The following CPEB1 variants were observed in gnomAD, a reference collection of about 807,000 sequenced individuals.
The protein encoded by CPEB1 is cytoplasmic polyadenylation element binding protein 1.
In CPEB1, 7 loss-of-function variants were observed where a neutral mutation model predicts 65.8. The ratio of observed to expected loss-of-function variants is 0.11; its 90% confidence interval spans 0.06 to 0.20. The LOEUF (loss-of-function observed/expected upper bound fraction) is 0.20. Ranked by LOEUF, CPEB1 falls within the 10% of genes least tolerant of loss-of-function variation. The probability of loss-of-function intolerance (pLI) is 1.00; values close to 1 mark genes in which losing one functional copy is unlikely to be tolerated. For missense variants in CPEB1, 551 were observed against 712.2 expected, an observed-to-expected ratio of 0.77 and a Z score of 2.58; for synonymous variants, 262 against 260.0, an observed-to-expected ratio of 1.01 and a Z score of -0.08.
intron 3 of CPEB1, among the ~76,000 whole-genome samples, chr15:82,596,697 C>CA (rs59895391): frequency 0.026 from 2,326 of 88,828 alleles, 54 homozygotes; most frequent in Non-Finnish European, 0.038. Flanking sequence ...GACTCTGTCT[C>CA]AAAAAAAAAA....
intron 3 of CPEB1, among the ~76,000 whole-genome samples, chr15:82,611,108 G>C (rs1335295344): frequency 4.7e-5 from 7 of 150,250 alleles, no homozygotes; most frequent in Admixed American, 2.7e-4. Context: ...AAACTGTACT[G>C]AAGATTTTAG....
chr15:82,645,337 G>C (rs1160804119), intron 1 of CPEB1, among the ~76,000 whole-genome samples: 1 of 152,024 alleles, frequency 6.6e-6, no homozygotes, highest in South Asian at 2.1e-4. Flanking sequence ...ATTTTTAGGA[G>C]AGACGGGAAT....
intron 1 of CPEB1, among the ~76,000 whole-genome samples, chr15:82,636,560 A>G (rs2046675492): frequency 6.6e-6 from 1 of 152,250 alleles, no homozygotes; most frequent in Non-Finnish European, 1.5e-5. Flanking sequence ...AGAACATTAG[A>G]GAATATTTCA....
intron 1 of CPEB1, chr15:82,629,608 A>T: frequency 1.0e-6 from 1 of 985,410 alleles, no homozygotes; most frequent in Non-Finnish European, 1.2e-6. Context: ...CCAATGCCCA[A>T]CATAAGAAGC....
intron 3 of CPEB1, among the ~76,000 whole-genome samples, chr15:82,603,402 T>A (rs1240551728): frequency 6.6e-6 from 1 of 150,758 alleles, no homozygotes; most frequent in East Asian, 1.9e-4. Context: ...ATATCCCAGG[T>A]GCCTGAGGCA....
rs2040067782 is a variant in CPEB1, at chr15:82,571,774, C to A, written c.272-242G>T. On this transcript the variant is annotated intron_variant, in intron 3 of 12. Transcript: ENST00000684509. ...CCGTCTGCATTACAGACTGGGCCAG[C>A]ATGTGATCAGGCTGCTGATGCTTCC... is the stretch of plus-strand genomic sequence containing the variant. 3.1e-6 allele frequency: 4 copies of A among 1,298,208 alleles called. No individual in the cohort carries two copies. The Middle Eastern group carries it at 8.8e-4, about 286-fold the overall frequency. The allele number at this position is 1,298,208 out of a possible 1,614,324, so 80.4% of individuals were successfully genotyped here.
intron 1 of CPEB1, chr15:82,629,320 T>C: frequency 5.1e-6 from 5 of 984,934 alleles, no homozygotes; most frequent in Non-Finnish European, 6.0e-6. Context: ...GAGAGGTAAG[T>C]ACCAACAGTG....
At chr15:82,610,445 G>A (rs1204366479) in intron 3 of CPEB1, among the ~76,000 whole-genome samples, 1 of 152,070 alleles carries the variant, frequency 6.6e-6, no homozygotes, top group Admixed American at 6.6e-5. Context: ...TAATCTAAAT[G>A]CAGTGGCATC....
chr15:82,578,983 C>G (rs575957982), intron 3 of CPEB1, among the ~76,000 whole-genome samples: 159 of 152,146 alleles, frequency 1.0e-3, no homozygotes, highest in African/African-American at 3.6e-3. Flanking sequence ...ACCACCACGC[C>G]CAGCTAATTT....
chr15:82,565,519 C>A (rs1024226431), intron 4 of CPEB1, among the ~76,000 whole-genome samples: 16 of 152,210 alleles, frequency 1.1e-4, no homozygotes, highest in African/African-American at 3.6e-4. Flanking sequence ...ACTGGAAAGG[C>A]ATTCTCTTTA....
At chr15:82,564,442 C>T (rs1349177411) in intron 4 of CPEB1, among the ~76,000 whole-genome samples, 1 of 151,420 alleles carries the variant, frequency 6.6e-6, no homozygotes, top group African/African-American at 2.4e-5. Context: ...CCTGCCACCA[C>T]ACCCGGCTAA....
At chr15:82,632,320 C>G (rs950033764) in intron 1 of CPEB1, among the ~76,000 whole-genome samples, 2 of 151,874 alleles carry the variant, frequency 1.3e-5, no homozygotes, top group African/African-American at 4.8e-5. Flanking sequence ...ATACACATAG[C>G]CTGAAGTTAA....
intron 9 of CPEB1, among the ~76,000 whole-genome samples, chr15:82,552,173 G>A (rs1567169619): frequency 6.6e-6 from 1 of 152,194 alleles, no homozygotes; most frequent in Non-Finnish European, 1.5e-5. Flanking sequence ...TCTAAGACAA[G>A]AGGTTTGAAA....
intron 3 of CPEB1, among the ~76,000 whole-genome samples, chr15:82,579,472 A>G (rs2041010708): frequency 6.8e-6 from 1 of 146,012 alleles, no homozygotes; most frequent in African/African-American, 2.5e-5. Flanking sequence ...ATTAAAGAAT[A>G]AAACTTTATC....
At chr15:82,549,423 C>A in intron 10 of CPEB1, 37 bp downstream of exon 10, 1 of 1,611,184 alleles carries the variant, frequency 6.2e-7, no homozygotes, top group Non-Finnish European at 8.5e-7. Flanking sequence ...CTCCCAGGGG[C>A]CAACCAAGCT....
intron 8 of CPEB1, 90 bp from the exon 9 acceptor site, chr15:82,552,706 A>G (rs2036486839): frequency 7.2e-7 from 1 of 1,391,116 alleles, no homozygotes; most frequent in Non-Finnish European, 1.0e-6. Flanking sequence ...TCTTCCAAGA[A>G]AGAAGGTCTT....
At chr15:82,544,844 G>A in intron 12 of CPEB1, 142 bp from the exon 13 acceptor site, 1 of 661,308 alleles carries the variant, frequency 1.5e-6, no homozygotes, top group Non-Finnish European at 2.7e-6. Context: ...TGGTCCCTAG[G>A]AATGCTCTCA....
chr15:82,586,627 T>G (rs775555682), intron 3 of CPEB1, among the ~76,000 whole-genome samples: 5 of 152,238 alleles, frequency 3.3e-5, no homozygotes, highest in Non-Finnish European at 7.3e-5. Context: ...TCAATCTGCA[T>G]GAAAATGAGT....
chr15:82,626,464 TATAAA>T (rs2045786010), intron 3 of CPEB1, among the ~76,000 whole-genome samples: 1 of 151,762 alleles, frequency 6.6e-6, no homozygotes, highest in African/African-American at 2.4e-5. Context: ...AAAAAGAAAA[TATAAA>T]ATAAAATAAA....
Sources: gnomAD v4.1 joint callset for allele counts (sites outside exome capture counted in the v4.1 genomes callset) on GRCh38, gnomAD v4.1.1 for gene constraint, MANE v1.5 for transcripts, NCBI Gene and HGNC (gene_info 2026-07-23, HGNC 2026-07-21) for gene names.